Variants in CNTNAP2 observed in about 807,000 individuals in gnomAD.
The protein encoded by CNTNAP2 is contactin-associated protein-like 2.
A neutral mutation model predicts 155.2 loss-of-function variants in CNTNAP2; 98 were observed. The ratio of observed to expected loss-of-function variants is 0.63; its 90% CI spans 0.54 to 0.75. The LOEUF is 0.75. Among genes scored for constraint, CNTNAP2 ranks in the 30% least tolerant of loss-of-function variants. CNTNAP2 has a pLI of 0.00. For missense variants in CNTNAP2, 1,727 were observed against 1,688.1 expected (o/e 1.02, Z -0.40); for synonymous variants, 651 against 631.2 (o/e 1.03, Z -0.47).
At chr7:148,200,476 C>T (rs1281094760) in intron 18 of CNTNAP2, among the ~76,000 whole-genome samples, 1 of 151,266 alleles carries the variant, frequency 6.6e-6, no homozygotes, top group African/African-American at 2.4e-5. Flanking sequence ...CTCACTGGAG[C>T]TTCGAACTCC....
At chr7:146,777,250 G>A (rs1802406021) in intron 2 of CNTNAP2, among the ~76,000 whole-genome samples, 2 of 152,296 alleles carry the variant, frequency 1.3e-5, no homozygotes, top group East Asian at 1.9e-4. Flanking sequence ...ATGTGGGGAT[G>A]TGCAGCTACG....
intron 11 of CNTNAP2, among the ~76,000 whole-genome samples, chr7:147,498,511 C>G (rs866082688): frequency 1.3e-5 from 2 of 152,070 alleles, no homozygotes; most frequent in African/African-American, 4.8e-5. Flanking sequence ...TGAGCTAACA[C>G]GTATTTTAGA....
intron 13 of CNTNAP2, among the ~76,000 whole-genome samples, chr7:147,860,589 CAAAA>C (rs11342244): frequency 8.0e-6 from 1 of 124,440 alleles, no homozygotes; most frequent in Non-Finnish European, 1.7e-5. Context: ...GACTCTGTCT[CAAAA>C]AAAAAAAAAA....
intron 10 of CNTNAP2, among the ~76,000 whole-genome samples, chr7:147,424,597 C>T (rs1441254623): frequency 1.3e-5 from 2 of 152,030 alleles, no homozygotes; most frequent in Non-Finnish European, 2.9e-5. Context: ...CACCTACTCC[C>T]TAGGAGATCT....
At chr7:147,369,561 A>T (rs149456410) in intron 9 of CNTNAP2, among the ~76,000 whole-genome samples, 1 of 152,184 alleles carries the variant, frequency 6.6e-6, no homozygotes, top group African/African-American at 2.4e-5. Flanking sequence ...CTGTTTTTCC[A>T]TAAAGGGCCT....
chr7:146,366,582 C>G (rs1276446675), intron 1 of CNTNAP2, among the ~76,000 whole-genome samples: 1 of 151,842 alleles, frequency 6.6e-6, no homozygotes, highest in African/African-American at 2.4e-5. Flanking sequence ...CCAAGAAGAC[C>G]AAAGGGATTT....
chr7:148,112,509 C>T (rs1212267844), intron 15 of CNTNAP2, among the ~76,000 whole-genome samples: 1 of 151,958 alleles, frequency 6.6e-6, no homozygotes, highest in Non-Finnish European at 1.5e-5. Context: ...CAACCTCGAA[C>T]TCCTGAGCAC....
chr7:147,097,077 A>G (rs998056568), intron 4 of CNTNAP2, among the ~76,000 whole-genome samples: 1 of 152,244 alleles, frequency 6.6e-6, no homozygotes, highest in Non-Finnish European at 1.5e-5. Context: ...ACCTCAAAAG[A>G]TACTGCACAC....
intron 1 of CNTNAP2, among the ~76,000 whole-genome samples, chr7:146,194,411 G>A (rs1004105728): frequency 6.6e-6 from 1 of 152,172 alleles, no homozygotes; most frequent in Admixed American, 6.5e-5. Context: ...GCAAGAGAAC[G>A]TTTGCAGGGA....
chr7:146,552,836 C>T (rs924090757), intron 1 of CNTNAP2, among the ~76,000 whole-genome samples: 4 of 152,048 alleles, frequency 2.6e-5, no homozygotes, highest in African/African-American at 9.7e-5. Context: ...TGCACTCAGC[C>T]TGAAAAGTCT....
chr7:146,531,701 C>T (rs1040668101), intron 1 of CNTNAP2, among the ~76,000 whole-genome samples: 9 of 151,886 alleles, frequency 5.9e-5, no homozygotes, highest in Admixed American at 2.0e-4. Flanking sequence ...CACACCCCCA[C>T]GCCCAGCTAA....
At chr7:147,190,932 G>T (rs1802667220) in intron 8 of CNTNAP2, among the ~76,000 whole-genome samples, 1 of 152,026 alleles carries the variant, frequency 6.6e-6, no homozygotes, top group African/African-American at 2.4e-5. Flanking sequence ...TCACTTTCCT[G>T]GTGTAAGCCC....
At chr7:147,081,547 G>C (rs1013817720) in intron 4 of CNTNAP2, 7 of 151,018 alleles carry the variant, frequency 4.6e-5, no homozygotes, top group African/African-American at 1.7e-4. Flanking sequence ...CTCCTGAGTA[G>C]CTGGGACTAC....
chr7:146,964,899 G>GATTTGGTCTGGGGGCCAA (rs1563023333), intron 3 of CNTNAP2, among the ~76,000 whole-genome samples: 1 of 152,100 alleles, frequency 6.6e-6, no homozygotes, highest in Non-Finnish European at 1.5e-5. Context: ...TGACTGGCCA[G>GATTTGGTCTGGGGGCCAA]AGTTGACCAA....
At chr7:146,776,993 G>C (rs1802400828) in intron 2 of CNTNAP2, among the ~76,000 whole-genome samples, 1 of 152,076 alleles carries the variant, frequency 6.6e-6, no homozygotes, top group African/African-American at 2.4e-5. Context: ...ATGATTGACA[G>C]GTAGGTAGGT....
At chr7:146,297,594 T>C (rs775672530) in intron 1 of CNTNAP2, among the ~76,000 whole-genome samples, 65 of 152,110 alleles carry the variant, frequency 4.3e-4, no homozygotes, top group Non-Finnish European at 5.9e-4. Flanking sequence ...GTAGATAATA[T>C]AGAAAAAGTT....
At chr7:147,063,078 T>C (rs1184520222) in intron 4 of CNTNAP2, among the ~76,000 whole-genome samples, 1 of 152,204 alleles carries the variant, frequency 6.6e-6, no homozygotes, top group Non-Finnish European at 1.5e-5. Flanking sequence ...AGTTTGCAGA[T>C]GAAGAACTGA....
intron 18 of CNTNAP2, among the ~76,000 whole-genome samples, chr7:148,181,662 T>A (rs1474328903): frequency 6.6e-6 from 1 of 151,110 alleles, no homozygotes; most frequent in Non-Finnish European, 1.5e-5. Flanking sequence ...CCGTAAACTG[T>A]TCTAAATCTA....
chr7:148,036,394 T>C (rs2527063), intron 15 of CNTNAP2, among the ~76,000 whole-genome samples: 53,917 of 151,920 alleles, frequency 0.35, 10,279 homozygotes, highest in East Asian at 0.75. Context: ...ATGGTGGCAC[T>C]GCCCTCATGA....
Sources: gnomAD v4.1 joint callset for allele counts (sites outside exome capture counted in the v4.1 genomes callset) on GRCh38, gnomAD v4.1.1 for gene constraint, MANE v1.5 for transcripts, NCBI Gene and HGNC (gene_info 2026-07-23, HGNC 2026-07-21) for gene names.